Variants in RICTOR observed in about 807,000 individuals in gnomAD.
RICTOR encodes the protein rapamycin-insensitive companion of mTOR.
A neutral mutation model predicts 214.9 loss-of-function variants in RICTOR; 49 were observed. The observed-to-expected ratio is 0.23, with a 90% CI of 0.18 to 0.29. The LOEUF is 0.29. RICTOR is among the 10% of genes least tolerant of loss of function. The pLI, the probability that RICTOR is intolerant of heterozygous loss-of-function variation, is 1.00. For missense variants in RICTOR, 1,625 were observed against 2,047.0 expected (o/e 0.79, Z 3.98); for synonymous variants, 717 against 711.3 (o/e 1.01, Z -0.13).
chr5:38,959,291 T>A lies in RICTOR; in HGVS notation c.2082A>T (p.Gln694His), dbSNP rs1462243042. 1.3e-6 allele frequency: 2 copies of A among 1,585,624 alleles called. No homozygotes were observed. Among genetic ancestry groups the A allele is most frequent in the African/African-American group, 2.7e-5 (2 of 73,810 alleles). Reference protein sequence around the residue: ...CLLNLCSLKNQDHLLKLTVSS... With the variant: ...CLLNLCSLKNHDHLLKLTVSS... ...AAACAGTAAGTTTTAGCAAGTGATC[T>A]TGGTTTTTCAAGGAGCAAAGATTAA... The change falls in exon 22 of 38, where the codon CAA becomes CAT. Residue 694 changes from glutamine (Q) to histidine (H), a missense_variant. Gln to His is a conservative substitution (Grantham distance 24). Transcript: ENST00000357387.
At chr5:38,960,311 G>T in intron 20 of RICTOR, 87 bp downstream of exon 20, 1 of 1,325,284 alleles carries the variant, frequency 7.5e-7, no homozygotes, top group Non-Finnish European at 1.1e-6. Context: ...AGAAATAAAA[G>T]CAAAACACAA....
chr5:39,018,860 A>G (rs1360078745), intron 3 of RICTOR, among the ~76,000 whole-genome samples: 1 of 152,152 alleles, frequency 6.6e-6, no homozygotes, highest in African/African-American at 2.4e-5. Context: ...TAGTGAAGAA[A>G]GTCCAGAGAG....
intron 34 of RICTOR, 187 bp from the exon 35 acceptor site, chr5:38,945,255 AGGGCTGTTCACAGT>A: frequency 1.6e-6 from 1 of 616,796 alleles, no homozygotes; most frequent in Non-Finnish European, 2.8e-6. Flanking sequence ...GGGCCTGGAC[AGGGCTGTTCACAGT>A]GGAAAAGACC....
In RICTOR at chr5:38,941,731, C is replaced by T. The variant is rs951851456; in HGVS notation, c.*573G>A. ...GTCCCGGGTTGTTGAGGCTCTTCTTCTGCTTTGAGGTTATAAACCTCTGAA... is the reference window on the plus strand; with the variant it reads ...GTCCCGGGTTGTTGAGGCTCTTCTTTTGCTTTGAGGTTATAAACCTCTGAA... On this transcript the variant is annotated 3_prime_UTR_variant, in exon 38 of 38. Coordinates refer to ENST00000357387, the MANE Select transcript of RICTOR (RefSeq NM_152756.5). 4.3e-6 allele frequency: 1 copy of T among 232,146 alleles called. No homozygotes were observed. The highest frequency in any genetic ancestry group is 2.2e-5 in the African/African-American group (1 of 45,244). The allele number at this position is 232,146 out of a possible 1,614,324, so 14.4% of individuals were successfully genotyped here.
chr5:38,963,811 A>C (rs1268331346), intron 16 of RICTOR, among the ~76,000 whole-genome samples: 1 of 151,908 alleles, frequency 6.6e-6, no homozygotes, highest in Non-Finnish European at 1.5e-5. Flanking sequence ...GTATTGGGAA[A>C]GTACATTCTT....
At position 38,971,937 on chromosome 5, in the gene RICTOR, A is replaced by C; in HGVS notation, c.912T>G (p.Pro304=). Residue 304 remains proline, a synonymous_variant, in exon 11 of 38, where the codon CCT becomes CCG. Coordinates refer to ENST00000357387, the MANE Select transcript of RICTOR (RefSeq NM_152756.5). ...TTAGAGACTGGATCCCAGAATTTCC[A>C]GGTTTACATAAATTAATAATACCTA... ...SWAGIINLCK[P]GNSGIQSLIG... is the part of the protein sequence containing the mutation. 1 of 1,460,424 alleles carries C rather than the reference A, an allele frequency of 6.8e-7. No individual in the cohort carries two copies. The highest frequency in any genetic ancestry group is 1.2e-5 in the South Asian group (1 of 85,924). The allele number at this position is 1,460,424 out of a possible 1,614,324, so 90.5% of individuals were successfully genotyped here. A position where few individuals can be genotyped will look rare whatever the true frequency, so the allele number is the denominator to read the frequency against.
In RICTOR at chr5:38,996,852, T is replaced by C; in HGVS notation, c.423A>G (p.Val141=). ...CTAATCGAAGTGCTTGTGTCCTCTC[T>C]ACCTCGTTGCTCTGTTGTATGTCAA... The part of the protein sequence containing the change: ...RCIDIQQSNE[V]ERTQALRLVR... Residue 141 remains valine (V), a synonymous_variant, in exon 6 of 38, where the codon GTA becomes GTG. Transcript: ENST00000357387. The C allele has an allele frequency of 1.2e-6, 2 of 1,611,200 alleles. No individual in the cohort carries two copies. The highest frequency in any genetic ancestry group is 1.7e-5 in the Admixed American group (1 of 59,992).
chr5:39,067,351 AAAC>A (rs1293512930), intron 2 of RICTOR, among the ~76,000 whole-genome samples: 4 of 152,150 alleles, frequency 2.6e-5, no homozygotes, highest in Non-Finnish European at 5.9e-5. Context: ...ACTATTGCAA[AAAC>A]AACACCAAGC....
At chr5:38,957,798 A>G (rs1395925000) in intron 24 of RICTOR, 68 bp from the exon 25 acceptor site, 12 of 851,974 alleles carry the variant, frequency 1.4e-5, no homozygotes, top group Non-Finnish European at 2.1e-5. Flanking sequence ...AAGCTAAAAT[A>G]ACTAAAATTT....
intron 2 of RICTOR, among the ~76,000 whole-genome samples, chr5:39,031,899 A>G (rs1207621875): frequency 1.3e-5 from 2 of 152,180 alleles, no homozygotes; most frequent in Non-Finnish European, 1.5e-5. Flanking sequence ...CCAGAAGCAA[A>G]ACTATCTCCA....
intron 2 of RICTOR, among the ~76,000 whole-genome samples, chr5:39,068,260 G>T (rs938558862): frequency 6.6e-6 from 1 of 152,202 alleles, no homozygotes; most frequent in Non-Finnish European, 1.5e-5. Context: ...CATGTTCAAG[G>T]AATAGCAAAC....
intron 7 of RICTOR, among the ~76,000 whole-genome samples, chr5:38,984,188 G>A (rs1751961843): frequency 7.0e-6 from 1 of 142,296 alleles, no homozygotes; most frequent in African/African-American, 2.6e-5. Context: ...AATTTATCCT[G>A]AAAATCCATT....
chr5:38,953,243 A>G, intron 28 of RICTOR, 152 bp from the exon 29 acceptor site: 2 of 612,940 alleles, frequency 3.3e-6, no homozygotes, highest in South Asian at 4.5e-5. Context: ...AATTAATTCT[A>G]GTTGTCTTAG....
At chr5:38,981,725 CAG>C (rs1200441828) in intron 8 of RICTOR, 140 bp downstream of exon 8, 14 of 554,388 alleles carry the variant, frequency 2.5e-5, no homozygotes, top group South Asian at 2.3e-4. Context: ...ATCTGTAAAA[CAG>C]AGCTGGGAAT....
chr5:38,980,587 G>C (rs372284352), intron 8 of RICTOR, among the ~76,000 whole-genome samples: 18 of 152,114 alleles, frequency 1.2e-4, no homozygotes, highest in African/African-American at 4.3e-4. Context: ...GCTCATACCT[G>C]TAAGCCCAGC....
intron 7 of RICTOR, among the ~76,000 whole-genome samples, chr5:38,984,271 C>T (rs1334369629): frequency 1.3e-5 from 2 of 152,082 alleles, no homozygotes; most frequent in Non-Finnish European, 2.9e-5. Context: ...TATTTCAAAT[C>T]TTTGAGTTTT....
chr5:39,034,049 G>T (rs1374708163), intron 2 of RICTOR, among the ~76,000 whole-genome samples: 1 of 151,912 alleles, frequency 6.6e-6, no homozygotes, highest in African/African-American at 2.4e-5. Context: ...AGGAGAAAAG[G>T]TTATAATTAA....
intron 32 of RICTOR, 135 bp downstream of exon 32, chr5:38,947,129 T>C (rs1748299038): frequency 3.2e-5 from 20 of 631,890 alleles, no homozygotes; most frequent in Middle Eastern, 6.3e-4. Context: ...AAAGTTTCTT[T>C]AAACAAAACG....
chr5:38,973,901 GTTTA>G (rs368564748), intron 10 of RICTOR, among the ~76,000 whole-genome samples: 408 of 152,204 alleles, frequency 2.7e-3, no homozygotes, highest in African/African-American at 8.2e-3. Context: ...GTACACAAAA[GTTTA>G]TTTAACTTAT....
Sources: gnomAD v4.1 joint callset for allele counts (sites outside exome capture counted in the v4.1 genomes callset) on GRCh38, gnomAD v4.1.1 for gene constraint, MANE v1.5 for transcripts, NCBI Gene and HGNC (gene_info 2026-07-23, HGNC 2026-07-21) for gene names.